Variants in UBE2K observed in about 807,000 individuals in gnomAD.
UBE2K encodes ubiquitin conjugating enzyme E2 K, also known as ubiquitin-conjugating enzyme E2 K.
A neutral mutation model predicts 30.0 loss-of-function variants in UBE2K; 6 were observed. The ratio of observed to expected loss-of-function variants is 0.20; its 90% CI spans 0.11 to 0.39. The LOEUF (loss-of-function observed/expected upper bound fraction) is 0.39. Among genes scored for constraint, UBE2K ranks in the 10% least tolerant of loss-of-function variants. The pLI is 1.00. For missense variants in UBE2K, 61 were observed against 241.6 expected, an observed-to-expected ratio of 0.25 and a Z score of 4.96; for synonymous variants, 86 against 83.7, an observed-to-expected ratio of 1.03 and a Z score of -0.15.
chr4:39,752,745 CA>C (rs1314391357), intron 3 of UBE2K, among the ~76,000 whole-genome samples: 2 of 152,052 alleles, frequency 1.3e-5, no homozygotes, highest in Non-Finnish European at 2.9e-5. Flanking sequence ...ATTCAAAATT[CA>C]AAAATCCGAG....
intron 1 of UBE2K, among the ~76,000 whole-genome samples, chr4:39,700,898 G>GTTT (rs1717970827): frequency 1.7e-5 from 2 of 120,744 alleles, no homozygotes; most frequent in African/African-American, 6.4e-5. Flanking sequence ...ATGTGAAAAA[G>GTTT]CAAGGTGCAG....
intron 4 of UBE2K, chr4:39,770,527 C>T (rs1423610356): frequency 6.9e-6 from 11 of 1,603,910 alleles, no homozygotes. Flanking sequence ...CCCCCCGCCC[C>T]CCGGGCAACC....
At position 39,774,834 on chromosome 4, in the gene UBE2K, G is replaced by T; in HGVS notation, c.300G>T (p.Trp100Cys). The T allele has an allele frequency of 2.0e-6, 3 of 1,478,534 alleles. No homozygotes were observed. Among genetic ancestry groups the T allele is most frequent in the Admixed American group, 2.0e-5 (1 of 49,636 alleles). The allele number at this position is 1,478,534 out of a possible 1,614,324, so 91.6% of individuals were successfully genotyped here. The change falls in exon 5 of 7, where the codon TGG becomes TGT. Residue 100 changes from tryptophan to cysteine, a missense_variant and splice_region_variant. Trp to Cys is a radical substitution (Grantham distance 215, BLOSUM62 -2). Coordinates refer to ENST00000261427, the MANE Select transcript of UBE2K (RefSeq NM_005339.5). ...GATATTTTCATGTTTTGCATTTTAG[G>T]GCAGCTGCAATGACTCTCCGCACGG... ...AICLDILKDQ[W>C]AAAMTLRTVL... is the part of the protein sequence containing the mutation.
intron 1 of UBE2K, 114 bp downstream of exon 1, chr4:39,698,504 T>G (rs1226839572): frequency 1.1e-6 from 1 of 950,546 alleles, no homozygotes; most frequent in Non-Finnish European, 1.7e-6. Flanking sequence ...CGGCCGCCCT[T>G]CTGCCTGTGA....
chr4:39,698,205 C>T lies in UBE2K; in HGVS notation c.-123C>T, dbSNP rs1472932443. 9.8e-6 allele frequency: 9 copies of T among 919,934 alleles called. No homozygotes were observed. The highest frequency in any genetic ancestry group is 1.4e-5 in the South Asian group (1 of 71,158). 57.0% of individuals were successfully genotyped at this position (919,934 alleles called of 1,614,324 possible). Reference sequence around the variant, plus strand: ...AGCGCGGCGGCCGGGGTGGTAGTGGCAGTGTTCGTGTGCTCAGGTCTGAAT... The same window carrying T: ...AGCGCGGCGGCCGGGGTGGTAGTGGTAGTGTTCGTGTGCTCAGGTCTGAAT... On this transcript the variant is annotated 5_prime_UTR_variant, in exon 1 of 7. Coordinates refer to ENST00000261427, the MANE Select transcript of UBE2K (RefSeq NM_005339.5).
chr4:39,719,365 T>C (rs537319782), intron 1 of UBE2K, among the ~76,000 whole-genome samples: 36 of 152,316 alleles, frequency 2.4e-4, no homozygotes, highest in Admixed American at 1.1e-3. Flanking sequence ...CATATGTCCT[T>C]CTACTCCTGG....
At chr4:39,745,834 A>G in intron 3 of UBE2K, 24 bp downstream of exon 3, 1 of 1,529,720 alleles carries the variant, frequency 6.5e-7, no homozygotes, top group Non-Finnish European at 8.9e-7. Flanking sequence ...ATTTTTGTGC[A>G]TGAAGTTACA....
At position 39,777,587 on chromosome 4, in the gene UBE2K, T is replaced by A. The variant is rs567196207; in HGVS notation, c.400-95T>A. 253 of 1,189,662 alleles carry A rather than the reference T, an allele frequency of 2.1e-4. No homozygotes were observed. The African/African-American group carries it at 3.7e-3, about 17-fold the overall frequency. 73.7% of individuals were successfully genotyped at this position (1,189,662 alleles called of 1,614,324 possible). On this transcript the variant is annotated intron_variant, in intron 5 of 6. Transcript: ENST00000261427. ...TCACATTTTAAATGTAGATTTGTTT[T>A]ATTTGGAAAAGTAGGATTGTAGGCG...
intron 3 of UBE2K, among the ~76,000 whole-genome samples, chr4:39,752,049 TTC>T (rs1721285581): frequency 6.6e-6 from 1 of 152,218 alleles, no homozygotes; most frequent in South Asian, 2.1e-4. Flanking sequence ...ACCGTAATCC[TTC>T]TGACATCTTC....
intron 4 of UBE2K, among the ~76,000 whole-genome samples, chr4:39,774,254 A>G (rs1301311901): frequency 6.6e-6 from 1 of 151,894 alleles, no homozygotes; most frequent in African/African-American, 2.4e-5. Flanking sequence ...CAGTGAGACA[A>G]GATAGTGCCA....
intron 3 of UBE2K, among the ~76,000 whole-genome samples, chr4:39,748,515 C>T (rs972870409): frequency 6.6e-6 from 1 of 151,946 alleles, no homozygotes; most frequent in African/African-American, 2.4e-5. Context: ...CATGGTGGCT[C>T]ACGCCTATAA....
chr4:39,709,620 T>C (rs1718562048), intron 1 of UBE2K, among the ~76,000 whole-genome samples: 1 of 152,070 alleles, frequency 6.6e-6, no homozygotes, highest in African/African-American at 2.4e-5. Flanking sequence ...GTCGGTACTA[T>C]CTGTGGTTTC....
intron 1 of UBE2K, among the ~76,000 whole-genome samples, chr4:39,704,566 G>A (rs569060731): frequency 3.5e-4 from 53 of 152,114 alleles, no homozygotes; most frequent in African/African-American, 1.2e-3. Context: ...TTTTGAAACA[G>A]AGTCTCACTG....
intron 1 of UBE2K, among the ~76,000 whole-genome samples, chr4:39,711,163 CTT>C (rs34401637): frequency 5.7e-5 from 7 of 122,082 alleles, no homozygotes; most frequent in Admixed American, 8.3e-5. Flanking sequence ...AACTTTTTCT[CTT>C]TTTTTTTTTT....
At chr4:39,701,488 C>G (rs755408313) in intron 1 of UBE2K, among the ~76,000 whole-genome samples, 1 of 152,034 alleles carries the variant, frequency 6.6e-6, no homozygotes, top group Non-Finnish European at 1.5e-5. Context: ...GTCCTATTTC[C>G]TAGATGAGAA....
At chr4:39,745,533 A>G (rs536027715) in intron 2 of UBE2K, among the ~76,000 whole-genome samples, 42 of 152,322 alleles carry the variant, frequency 2.8e-4, no homozygotes, top group South Asian at 8.3e-4. Flanking sequence ...TTACTCACTG[A>G]TAAACTAATA....
At chr4:39,743,341 T>C (rs902439673) in intron 2 of UBE2K, among the ~76,000 whole-genome samples, 4 of 152,212 alleles carry the variant, frequency 2.6e-5, no homozygotes, top group Non-Finnish European at 4.4e-5. Context: ...CAGTGGCTCA[T>C]GCCTGTAATC....
chr4:39,724,658 A>G (rs1214409549), intron 1 of UBE2K, among the ~76,000 whole-genome samples: 5 of 150,236 alleles, frequency 3.3e-5, no homozygotes, highest in East Asian at 3.9e-4. Context: ...AGGCCCAGCT[A>G]CTTGGGGGGG....
chr4:39,723,984 T>C (rs927414540), intron 1 of UBE2K, among the ~76,000 whole-genome samples: 18 of 151,940 alleles, frequency 1.2e-4, no homozygotes, highest in Non-Finnish European at 2.9e-5. Context: ...ATCTGGTTTT[T>C]TTGTATTTAG....
Sources: allele counts gnomAD v4.1 joint callset (sites outside exome capture counted in the v4.1 genomes callset), GRCh38; gene constraint gnomAD v4.1.1; transcripts MANE v1.5; gene names NCBI Gene and HGNC (gene_info 2026-07-23, HGNC 2026-07-21).